Variants in KDM4C observed in about 807,000 individuals in gnomAD.
The protein encoded by KDM4C is lysine demethylase 4C.
In KDM4C, 81 loss-of-function variants were observed where a neutral mutation model predicts 129.3. That is an observed-to-expected ratio of 0.63 (90% CI 0.52 to 0.75). The LOEUF (loss-of-function observed/expected upper bound fraction) is 0.75. Ranked by LOEUF, KDM4C falls within the 30% of genes least tolerant of loss-of-function variation. The pLI is 0.00. For missense variants in KDM4C, 1,457 were observed against 1,304.0 expected (o/e 1.12, Z -1.81); for synonymous variants, 573 against 456.1 (o/e 1.26, Z -3.26).
chr9:6,787,207 G>T (rs1467331978), intron 1 of KDM4C, among the ~76,000 whole-genome samples: 2 of 152,134 alleles, frequency 1.3e-5, no homozygotes, highest in Non-Finnish European at 2.9e-5. Flanking sequence ...CAATTTCTGT[G>T]CCTCAATTTC....
intron 17 of KDM4C, among the ~76,000 whole-genome samples, chr9:7,058,911 AT>A (rs771517787): frequency 8.6e-5 from 13 of 151,462 alleles, no homozygotes; most frequent in Admixed American, 1.3e-4. Context: ...TGATTTGTGT[AT>A]TTGGCAGACA....
intron 15 of KDM4C, among the ~76,000 whole-genome samples, chr9:7,022,447 T>C (rs1283020038): frequency 6.6e-6 from 1 of 152,140 alleles, no homozygotes; most frequent in Non-Finnish European, 1.5e-5. Context: ...GATTTCTTTT[T>C]TAGATTGTTC....
chr9:6,862,346 T>A (rs544847791), intron 5 of KDM4C, among the ~76,000 whole-genome samples: 1 of 152,352 alleles, frequency 6.6e-6, no homozygotes, highest in East Asian at 1.9e-4. Flanking sequence ...TTTGACCATT[T>A]ACTGTTTATT....
intron 2 of KDM4C, among the ~76,000 whole-genome samples, chr9:6,798,001 G>T (rs1349021135): frequency 6.6e-6 from 1 of 152,122 alleles, no homozygotes; most frequent in African/African-American, 2.4e-5. Flanking sequence ...AAAGATCTCA[G>T]TATGTTGTGT....
intron 17 of KDM4C, among the ~76,000 whole-genome samples, chr9:7,098,505 A>G (rs940639621): frequency 6.6e-6 from 1 of 152,182 alleles, no homozygotes; most frequent in Non-Finnish European, 1.5e-5. Context: ...AGGACTTATC[A>G]TGTTATGACC....
intron 8 of KDM4C, among the ~76,000 whole-genome samples, chr9:6,974,419 G>C (rs1325366211): frequency 2.0e-5 from 3 of 152,048 alleles, no homozygotes; most frequent in African/African-American, 4.8e-5. Context: ...GAGTGCAGTT[G>C]TGCGACCGCG....
At position 6,837,336 on chromosome 9, in the gene KDM4C, C is replaced by T. The variant is rs78059833; in HGVS notation, c.436-12171C>T. ...CCTTCCAAAGTATTACGATTACAGGCGTGTGCTACTCTGCCCAGCTTATAA... is the reference window on the plus strand; with the variant it reads ...CCTTCCAAAGTATTACGATTACAGGTGTGTGCTACTCTGCCCAGCTTATAA... On this transcript the variant is annotated intron_variant, in intron 4 of 21. Transcript: ENST00000381309. Among the ~76,000 whole-genome samples the T allele has an allele frequency of 4.2e-3, 640 of 152,292 alleles. 2 individuals are homozygous for T. The highest frequency in any genetic ancestry group is 6.4e-3 in the Non-Finnish European group (435 of 68,030).
At chr9:6,806,777 C>T (rs1830049623) in intron 3 of KDM4C, among the ~76,000 whole-genome samples, 1 of 152,070 alleles carries the variant, frequency 6.6e-6, no homozygotes, top group South Asian at 2.1e-4. Context: ...GCTGGCTTCT[C>T]CCAGAGCAAG....
chr9:6,830,141 G>A (rs79386622), intron 4 of KDM4C, among the ~76,000 whole-genome samples: 4,516 of 152,112 alleles, frequency 0.03, 96 homozygotes, highest in Middle Eastern at 0.085. Flanking sequence ...GGAGAAATAC[G>A]GATACAAATT....
chr9:7,110,430 G>A (rs1838191026), intron 18 of KDM4C, among the ~76,000 whole-genome samples: 2 of 151,952 alleles, frequency 1.3e-5, no homozygotes, highest in African/African-American at 4.8e-5. Flanking sequence ...TTTTTATATT[G>A]TTCTAACTTG....
At chr9:6,868,883 C>G (rs1310434311) in intron 5 of KDM4C, among the ~76,000 whole-genome samples, 1 of 151,794 alleles carries the variant, frequency 6.6e-6, no homozygotes, top group Non-Finnish European at 1.5e-5. Flanking sequence ...TACCTTTTTT[C>G]TCACGAAAAA....
intron 4 of KDM4C, among the ~76,000 whole-genome samples, chr9:6,836,901 C>T (rs1835978779): frequency 6.6e-6 from 1 of 152,032 alleles, no homozygotes; most frequent in African/African-American, 2.4e-5. Flanking sequence ...GCTGTGAACA[C>T]ATCCCATACA....
intron 18 of KDM4C, among the ~76,000 whole-genome samples, chr9:7,106,783 C>T (rs556185022): frequency 6.3e-4 from 96 of 152,196 alleles, no homozygotes; most frequent in African/African-American, 2.3e-3. Flanking sequence ...GTGTGATCCA[C>T]CGTGCCCAGC....
chr9:6,749,615 C>A (rs1171406289), intron 1 of KDM4C, among the ~76,000 whole-genome samples: 6 of 151,846 alleles, frequency 4.0e-5, no homozygotes, highest in African/African-American at 1.2e-4. Context: ...CTGCAATGAG[C>A]TATGATTGCA....
At chr9:6,990,102 G>T (rs1048045836) in intron 11 of KDM4C, among the ~76,000 whole-genome samples, 1 of 152,100 alleles carries the variant, frequency 6.6e-6, no homozygotes, top group Non-Finnish European at 1.5e-5. Context: ...TACATTAGTT[G>T]TAAGAACTTT....
chr9:6,863,676 G>A (rs953104420), intron 5 of KDM4C, among the ~76,000 whole-genome samples: 8 of 151,700 alleles, frequency 5.3e-5, no homozygotes, highest in Non-Finnish European at 1.0e-4. Flanking sequence ...GGCGCCTGTA[G>A]TTCCAGCTAC....
At chr9:6,940,975 C>A (rs967241422) in intron 8 of KDM4C, among the ~76,000 whole-genome samples, 2 of 151,590 alleles carry the variant, frequency 1.3e-5, no homozygotes, top group Non-Finnish European at 2.9e-5. Context: ...AATGCAACCT[C>A]AAAATATTCA....
intron 17 of KDM4C, among the ~76,000 whole-genome samples, chr9:7,067,557 C>T (rs1364926002): frequency 6.6e-6 from 1 of 152,182 alleles, no homozygotes; most frequent in African/African-American, 2.4e-5. Context: ...GGCTCAGTTG[C>T]ACTGTTAACT....
At chr9:6,969,673 T>C (rs1831611179) in intron 8 of KDM4C, among the ~76,000 whole-genome samples, 1 of 152,230 alleles carries the variant, frequency 6.6e-6, no homozygotes, top group South Asian at 2.1e-4. Flanking sequence ...ATTGTTACGC[T>C]CTGGTTTCAA....
Sources: allele counts gnomAD v4.1 joint callset (sites outside exome capture counted in the v4.1 genomes callset), GRCh38; gene constraint gnomAD v4.1.1; transcripts MANE v1.5; gene names NCBI Gene and HGNC (gene_info 2026-07-23, HGNC 2026-07-21).